Variants in WDR72 observed in about 807,000 individuals in gnomAD.
WDR72 encodes the protein WD repeat domain 72, also known as WD repeat-containing protein 72.
Under a neutral mutation model 124.2 loss-of-function variants are expected in WDR72, and 120 were observed. The ratio of observed to expected loss-of-function variants is 0.97; its 90% CI spans 0.83 to 1.12. The LOEUF is 1.12. WDR72 is among the 50% of genes most tolerant of loss of function. WDR72 has a pLI of 0.00. For synonymous variants in WDR72, 452 were observed against 441.7 expected (o/e 1.02, Z -0.29); for missense variants, 1,387 against 1,278.8 (o/e 1.08, Z -1.29).
At chr15:53,574,120 T>C (rs544479365) in intron 18 of WDR72, among the ~76,000 whole-genome samples, 1 of 152,304 alleles carries the variant, frequency 6.6e-6, no homozygotes, top group African/African-American at 2.4e-5. Flanking sequence ...TTTAAGGTGG[T>C]ATTTGTTTCA....
chr15:53,741,275 C>T (rs1177561163), intron 1 of WDR72, among the ~76,000 whole-genome samples: 1 of 152,200 alleles, frequency 6.6e-6, no homozygotes, highest in Non-Finnish European at 1.5e-5. Context: ...CAAAGCATTT[C>T]ACAGGTTAAA....
At chr15:53,733,266 G>T in intron 1 of WDR72, 105 bp from the exon 2 acceptor site, 2 of 1,223,772 alleles carry the variant, frequency 1.6e-6, no homozygotes, top group East Asian at 4.9e-5. Flanking sequence ...TCAATGATGT[G>T]TTCTCCCAGT....
intron 17 of WDR72, among the ~76,000 whole-genome samples, chr15:53,605,538 G>A (rs2013243341): frequency 6.6e-6 from 1 of 152,190 alleles, no homozygotes; most frequent in South Asian, 2.1e-4. Flanking sequence ...TCAACTAACT[G>A]CTTAAATGAA....
In WDR72 at chr15:53,695,682, T is replaced by TC. The variant is rs576448076; in HGVS notation, c.1765+4067dup. On this transcript the variant is annotated intron_variant, in intron 13 of 19. Coordinates refer to ENST00000360509, the MANE Select transcript of WDR72 (RefSeq NM_182758.4). ...TTTCTTTACCTCAGTTGTTTGCCAC[T>TC]CCCAAGAGTGTGTCCACCTACGACC... Among the ~76,000 whole-genome samples, 364 of 152,246 alleles carry TC rather than the reference T, an allele frequency of 2.4e-3. 6 individuals carry two copies. The highest frequency in any genetic ancestry group is 8.3e-3 in the African/African-American group (345 of 41,540).
At chr15:53,647,789 A>G (rs1442508721) in intron 14 of WDR72, among the ~76,000 whole-genome samples, 1 of 152,132 alleles carries the variant, frequency 6.6e-6, no homozygotes, top group Non-Finnish European at 1.5e-5. Flanking sequence ...AATATAGCCT[A>G]TTCTGATCTA....
chr15:53,706,346 G>GTA (rs2017358723), intron 9 of WDR72, among the ~76,000 whole-genome samples: 6 of 98,064 alleles, frequency 6.1e-5, no homozygotes, highest in East Asian at 6.3e-4. Flanking sequence ...GTGTGTGTGT[G>GTA]TGTGTATATA....
chr15:53,755,463 T>C (rs1330541801), intron 1 of WDR72, among the ~76,000 whole-genome samples: 1 of 152,238 alleles, frequency 6.6e-6, no homozygotes, highest in Non-Finnish European at 1.5e-5. Context: ...GCATATAGAT[T>C]CTCAAAAGCG....
intron 18 of WDR72, among the ~76,000 whole-genome samples, chr15:53,593,174 G>A (rs1044496019): frequency 6.6e-6 from 1 of 151,960 alleles, no homozygotes; most frequent in African/African-American, 2.4e-5. Flanking sequence ...GGGTTGAGAT[G>A]GCAATAATTA....
At chr15:53,581,251 A>G (rs932021573) in intron 18 of WDR72, among the ~76,000 whole-genome samples, 7 of 152,074 alleles carry the variant, frequency 4.6e-5, no homozygotes, top group African/African-American at 1.7e-4. Context: ...TTTCTTCTCA[A>G]TCAAAATATT....
Position 53,613,667 on chromosome 15 carries a change from A to G in WDR72, c.2871T>C (p.Asn957=), listed in dbSNP as rs766054673. ...NMSSFYSCLR[N]GKNESHVPEA... The stretch of plus-strand genomic sequence containing the variant: ...TATCTGTGCCAGTAACTCTCTTACC[A>G]TTTCGTAAGCAACTGTAGAAGCTTG... Residue 957 remains asparagine (N), a splice_region_variant and synonymous_variant, in exon 16 of 20, where the codon AAT becomes AAC. Transcript: ENST00000360509. 11 of 1,606,638 alleles carry G rather than the reference A, an allele frequency of 6.8e-6. 1 individual carries two copies. The South Asian group carries it at 1.2e-4, about 18-fold the overall frequency.
At chr15:53,550,875 A>C (rs150094182) in intron 18 of WDR72, among the ~76,000 whole-genome samples, 2 of 152,300 alleles carry the variant, frequency 1.3e-5, no homozygotes, top group African/African-American at 4.8e-5. Context: ...AAAGCTTAGA[A>C]TCTGACTAGG....
intron 17 of WDR72, among the ~76,000 whole-genome samples, chr15:53,608,917 A>G (rs546066469): frequency 6.6e-6 from 1 of 152,118 alleles, no homozygotes; most frequent in East Asian, 1.9e-4. Context: ...GAAAGAATGA[A>G]TAATACCTAC....
intron 14 of WDR72, among the ~76,000 whole-genome samples, chr15:53,621,721 T>A (rs1275672691): frequency 1.3e-5 from 2 of 151,624 alleles, no homozygotes; most frequent in African/African-American, 4.9e-5. Flanking sequence ...TGCAACAGAA[T>A]CTCACAAATC....
intron 1 of WDR72, among the ~76,000 whole-genome samples, chr15:53,735,598 T>A (rs1398944778): frequency 6.6e-6 from 1 of 152,140 alleles, no homozygotes; most frequent in Non-Finnish European, 1.5e-5. Flanking sequence ...TATACTTCAA[T>A]AAAGTTGTTT....
At chr15:53,565,191 G>A (rs1894251657) in intron 18 of WDR72, among the ~76,000 whole-genome samples, 1 of 151,796 alleles carries the variant, frequency 6.6e-6, no homozygotes, top group Non-Finnish European at 1.5e-5. Flanking sequence ...TCATGAGAAA[G>A]GGAGCCCTTG....
chr15:53,686,678 C>A (rs1230903978), intron 13 of WDR72, among the ~76,000 whole-genome samples: 1 of 149,656 alleles, frequency 6.7e-6, no homozygotes, highest in East Asian at 2.0e-4. Context: ...CAAGGATACC[C>A]AGGAATTGAA....
At chr15:53,762,006 TG>T (rs1158158373), upstream of WDR72, among the ~76,000 whole-genome samples, 1 of 151,756 alleles carries the variant, frequency 6.6e-6, no homozygotes, top group African/African-American at 2.4e-5. Context: ...AAATGTGGGG[TG>T]GGGAGACACT....
At position 53,728,626 on chromosome 15, in the gene WDR72, T is replaced by C. The variant is rs138564147; in HGVS notation, c.153+4371A>G. Reference sequence around the variant, plus strand: ...ATTTTATTGTGTTTCCTTCTGAGTATTAGACAGGCGGAAGAGCAGAACATA... The same window carrying C: ...ATTTTATTGTGTTTCCTTCTGAGTACTAGACAGGCGGAAGAGCAGAACATA... On this transcript the variant is annotated intron_variant, in intron 2 of 19. Coordinates refer to ENST00000360509, the MANE Select transcript of WDR72 (RefSeq NM_182758.4). Among the ~76,000 whole-genome samples, 16 of 152,308 alleles carry C rather than the reference T, an allele frequency of 1.1e-4. 1 individual carries two copies. In the East Asian group the frequency reaches 3.1e-3, roughly 29 times the overall value.
chr15:53,652,606 G>T (rs898958792), intron 14 of WDR72, among the ~76,000 whole-genome samples: 2 of 152,084 alleles, frequency 1.3e-5, no homozygotes, highest in Admixed American at 6.6e-5. Flanking sequence ...TTGTATTGAG[G>T]GGAGGGCTTA....
Sources: allele counts gnomAD v4.1 joint callset (sites outside exome capture counted in the v4.1 genomes callset), GRCh38; gene constraint gnomAD v4.1.1; transcripts MANE v1.5; gene names NCBI Gene and HGNC (gene_info 2026-07-23, HGNC 2026-07-21).